Variants in PARD3B observed in about 807,000 individuals in gnomAD.
PARD3B encodes the protein par-3 family cell polarity regulator beta.
PARD3B carries 103 observed loss-of-function variants against 130.2 expected under a neutral mutation model. The ratio of observed to expected loss-of-function variants is 0.79; its 90% CI spans 0.67 to 0.93. The LOEUF (loss-of-function observed/expected upper bound fraction) is 0.93, where lower values mean the gene tolerates loss of function less well. Among genes scored for constraint, PARD3B ranks in the 40% least tolerant of loss-of-function variants. The probability of loss-of-function intolerance (pLI) is 0.00; values close to 1 mark genes in which losing one functional copy is unlikely to be tolerated. For missense variants in PARD3B, 1,609 were observed against 1,499.2 expected (o/e 1.07, Z -1.21); for synonymous variants, 583 against 553.2 (o/e 1.05, Z -0.76).
chr2:205,322,295 C>CT (rs1216109131), intron 18 of PARD3B, among the ~76,000 whole-genome samples: 1 of 152,136 alleles, frequency 6.6e-6, no homozygotes, highest in Non-Finnish European at 1.5e-5. Context: ...CTCTGCCAGT[C>CT]TTTTTATTTA....
intron 15 of PARD3B, among the ~76,000 whole-genome samples, chr2:205,208,262 A>T (rs1268012850): frequency 8.6e-6 from 1 of 116,222 alleles, no homozygotes; most frequent in African/African-American, 3.8e-5. Context: ...AGCCAATATC[A>T]TACTGAATGG....
chr2:204,895,189 G>A (rs2046597309), intron 2 of PARD3B, among the ~76,000 whole-genome samples: 1 of 152,032 alleles, frequency 6.6e-6, no homozygotes, highest in African/African-American at 2.4e-5. Context: ...ACTAGATTAG[G>A]AGGCATTAGG....
intron 3 of PARD3B, among the ~76,000 whole-genome samples, chr2:205,013,501 T>G (rs1695887909): frequency 6.6e-6 from 1 of 152,296 alleles, no homozygotes; most frequent in African/African-American, 2.4e-5. Context: ...ACACTATTGA[T>G]GCTTTAGGCT....
intron 1 of PARD3B, among the ~76,000 whole-genome samples, chr2:204,636,706 T>C (rs2034892779): frequency 6.6e-6 from 1 of 152,140 alleles, no homozygotes; most frequent in South Asian, 2.1e-4. Context: ...TTTCACAGCC[T>C]TAGATTATTC....
chr2:205,168,318 A>AGTGTGTGTGT (rs1429954131), intron 11 of PARD3B, among the ~76,000 whole-genome samples: 46 of 122,484 alleles, frequency 3.8e-4, no homozygotes, highest in Admixed American at 1.1e-3. Context: ...AGAGAGAGAG[A>AGTGTGTGTGT]GAGTGTGTGT....
chr2:204,979,205 CAA>C (rs755064647), intron 3 of PARD3B, among the ~76,000 whole-genome samples: 7 of 89,996 alleles, frequency 7.8e-5, no homozygotes, highest in Non-Finnish European at 7.2e-5. Flanking sequence ...GACTCTGTCT[CAA>C]AAAAAAAAAA....
Position 205,448,885 on chromosome 2 carries a change from G to A in PARD3B, c.3044+8213G>A, listed in dbSNP as rs538850608. 7.5e-4 allele frequency among the ~76,000 whole-genome samples: 114 copies of A among 152,148 alleles called. 2 individuals carry two copies. The highest frequency in any genetic ancestry group is 2.9e-4 in the Non-Finnish European group (20 of 68,028). On this transcript the variant is annotated intron_variant, in intron 20 of 22. Transcript: ENST00000406610. ...TAACCCTAACAAGAAAAGGAATTACGGTTGGGTGCCGTGGCTCAAGCCTGT... is the reference window on the plus strand; with the variant it reads ...TAACCCTAACAAGAAAAGGAATTACAGTTGGGTGCCGTGGCTCAAGCCTGT...
At chr2:204,950,328 C>A (rs1248890180) in intron 2 of PARD3B, among the ~76,000 whole-genome samples, 1 of 152,178 alleles carries the variant, frequency 6.6e-6, no homozygotes, top group Non-Finnish European at 1.5e-5. Flanking sequence ...AGCTGCTATA[C>A]TTTTCTTTAT....
At chr2:204,794,937 C>A (rs1249236350) in intron 2 of PARD3B, among the ~76,000 whole-genome samples, 1 of 152,052 alleles carries the variant, frequency 6.6e-6, no homozygotes, top group Non-Finnish European at 1.5e-5. Context: ...AATATAAATT[C>A]TAATAAGCTG....
At chr2:204,686,663 C>T (rs968461503) in intron 2 of PARD3B, among the ~76,000 whole-genome samples, 5 of 152,164 alleles carry the variant, frequency 3.3e-5, no homozygotes, top group Non-Finnish European at 7.4e-5. Context: ...GTAGAGAATA[C>T]AATGGGGCAG....
At chr2:204,568,554 A>G (rs2031811895) in intron 1 of PARD3B, among the ~76,000 whole-genome samples, 1 of 152,232 alleles carries the variant, frequency 6.6e-6, no homozygotes, top group African/African-American at 2.4e-5. Flanking sequence ...TTTTCAAGTT[A>G]AGAGATTTCT....
At chr2:205,018,914 G>C (rs1696376722) in intron 3 of PARD3B, among the ~76,000 whole-genome samples, 1 of 152,020 alleles carries the variant, frequency 6.6e-6, no homozygotes, top group African/African-American at 2.4e-5. Context: ...TTTAACTCAT[G>C]TAATAAAGTT....
intron 3 of PARD3B, among the ~76,000 whole-genome samples, chr2:205,045,873 T>C (rs1230775268): frequency 6.6e-6 from 1 of 152,084 alleles, no homozygotes; most frequent in Non-Finnish European, 1.5e-5. Context: ...ATCGCTAAAA[T>C]GTTCACTTCT....
At chr2:204,985,995 G>T (rs1371277568) in intron 3 of PARD3B, among the ~76,000 whole-genome samples, 1 of 151,346 alleles carries the variant, frequency 6.6e-6, no homozygotes, top group Non-Finnish European at 1.5e-5. Context: ...CAGCTACTCA[G>T]GAGGCTGAGG....
intron 1 of PARD3B, among the ~76,000 whole-genome samples, chr2:204,589,111 G>A (rs539639910): frequency 6.6e-6 from 1 of 152,142 alleles, no homozygotes; most frequent in Admixed American, 6.5e-5. Context: ...GCTTAGGACA[G>A]TACTGTCTCC....
At chr2:205,040,999 C>T (rs905766582) in intron 3 of PARD3B, among the ~76,000 whole-genome samples, 3 of 152,136 alleles carry the variant, frequency 2.0e-5, no homozygotes, top group Non-Finnish European at 2.9e-5. Context: ...TCTCTGAGCA[C>T]TCCTCTGTGA....
intron 10 of PARD3B, among the ~76,000 whole-genome samples, chr2:205,127,436 G>A (rs1481621629): frequency 6.6e-6 from 1 of 152,108 alleles, no homozygotes. Flanking sequence ...AATTGACAAA[G>A]GCACATGTAG....
At chr2:205,252,670 A>T (rs2039899292) in intron 16 of PARD3B, among the ~76,000 whole-genome samples, 2 of 152,144 alleles carry the variant, frequency 1.3e-5, no homozygotes, top group African/African-American at 4.8e-5. Context: ...AGAGAAAGTG[A>T]CAAGATACCA....
chr2:204,846,710 TG>T (rs1459700442), intron 2 of PARD3B, among the ~76,000 whole-genome samples: 1 of 150,888 alleles, frequency 6.6e-6, no homozygotes, highest in African/African-American at 2.4e-5. Context: ...TTCCTATACC[TG>T]AAAGTATTTC....
Sources: allele counts gnomAD v4.1 joint callset (sites outside exome capture counted in the v4.1 genomes callset), GRCh38; gene constraint gnomAD v4.1.1; transcripts MANE v1.5; gene names NCBI Gene and HGNC (gene_info 2026-07-23, HGNC 2026-07-21).